The following SLC7A6 variants were observed in gnomAD, a reference collection of about 807,000 sequenced individuals.
SLC7A6 encodes solute carrier family 7 member 6, also known as Y+L amino acid transporter 2.
In SLC7A6, 29 loss-of-function variants were observed where a neutral mutation model predicts 46.6. That is an observed-to-expected ratio of 0.62 (90% CI 0.46 to 0.85). SLC7A6 has a LOEUF of 0.85. SLC7A6 is among the 40% of genes least tolerant of loss of function. SLC7A6 has a pLI of 0.00. For missense variants in SLC7A6, 527 were observed against 647.6 expected, an observed-to-expected ratio of 0.81 and a Z score of 2.02; for synonymous variants, 276 against 257.3, an observed-to-expected ratio of 1.07 and a Z score of -0.70.
intron 2 of SLC7A6, chr16:68,273,731 G>A (rs1418225822): frequency 1.3e-5 from 2 of 151,990 alleles, no homozygotes; most frequent in African/African-American, 4.8e-5. Flanking sequence ...AGCAACATGG[G>A]AGAGTGAGGT....
intron 2 of SLC7A6, among the ~76,000 whole-genome samples, chr16:68,273,240 T>C (rs2042651551): frequency 6.6e-6 from 1 of 152,092 alleles, no homozygotes; most frequent in Admixed American, 6.5e-5. Flanking sequence ...TGCTCTGAGC[T>C]CCATGAGGCC....
At chr16:68,293,155 C>T (rs1051266884) in intron 7 of SLC7A6, among the ~76,000 whole-genome samples, 3 of 152,178 alleles carry the variant, frequency 2.0e-5, no homozygotes, top group Non-Finnish European at 4.4e-5. Flanking sequence ...GGGGCTCACA[C>T]CTGTAATCCC....
intron 3 of SLC7A6, among the ~76,000 whole-genome samples, chr16:68,276,877 C>T (rs1461607749): frequency 6.6e-6 from 1 of 151,740 alleles, no homozygotes; most frequent in Non-Finnish European, 1.5e-5. Context: ...TGCCTGTGGT[C>T]CCAGCAATTC....
At chr16:68,283,976 A>G (rs1015687814) in intron 3 of SLC7A6, among the ~76,000 whole-genome samples, 4 of 152,190 alleles carry the variant, frequency 2.6e-5, no homozygotes, top group Non-Finnish European at 5.9e-5. Context: ...TCAGGAGAAC[A>G]GTCAAGGGAC....
At chr16:68,268,951 G>A (rs1596965256) in intron 2 of SLC7A6, among the ~76,000 whole-genome samples, 1 of 152,138 alleles carries the variant, frequency 6.6e-6, no homozygotes, top group Non-Finnish European at 1.5e-5. Context: ...AGGTTGCAGT[G>A]AGCCAAGATC....
At position 68,291,719 on chromosome 16, in the gene SLC7A6, G is replaced by A; in HGVS notation, c.1022+58G>A. 2.7e-6 allele frequency: 4 copies of A among 1,467,812 alleles called. No homozygotes were observed. The Admixed American group carries it at 6.8e-5, about 25-fold the overall frequency. The allele number at this position is 1,467,812 out of a possible 1,614,324, so 90.9% of individuals were successfully genotyped here. A position where few individuals can be genotyped will look rare whatever the true frequency, so the allele number is the denominator to read the frequency against. ...ACAATATTTCATTCTCTGGGGCTTAGGCATAAGAGTTCCTTTTTTCCCTCC... is the reference window on the plus strand; with the variant it reads ...ACAATATTTCATTCTCTGGGGCTTAAGCATAAGAGTTCCTTTTTTCCCTCC... On this transcript the variant is annotated intron_variant, in intron 7 of 10. Coordinates refer to ENST00000219343, the MANE Select transcript of SLC7A6 (RefSeq NM_003983.6).
In SLC7A6 at chr16:68,298,081, AC is replaced by A. The variant is rs1353550606; in HGVS notation, c.*754del. 1 of 152,666 alleles carries A rather than the reference AC, an allele frequency of 6.6e-6. No individual in the cohort carries two copies. Among genetic ancestry groups the A allele is most frequent in the Non-Finnish European group, 1.5e-5 (1 of 68,042 alleles). The allele number at this position is 152,666 out of a possible 1,614,324, so 9.5% of individuals were successfully genotyped here. A position where few individuals can be genotyped will look rare whatever the true frequency, so the allele number is the denominator to read the frequency against. On this transcript the variant is annotated 3_prime_UTR_variant, in exon 11 of 11. Coordinates refer to ENST00000219343, the MANE Select transcript of SLC7A6 (RefSeq NM_003983.6). ...TCACGTACCTGTTACACTTTAGCAT[AC>A]AGATAGATCATAGATCACGTTACAA...
At position 68,275,250 on chromosome 16, in the gene SLC7A6, G is replaced by C. The variant is rs764843522; in HGVS notation, c.523+1G>C. On this transcript the variant is annotated splice_donor_variant, in intron 3 of 10. Coordinates refer to ENST00000219343, the MANE Select transcript of SLC7A6 (RefSeq NM_003983.6). LOFTEE classifies it high-confidence loss of function. The stretch of plus-strand genomic sequence containing the variant: ...CGTCTCCTGGCTGCTGCTTGCATAT[G>C]TAAGTGGGGGCTGAGATTGGGAGGA... 3.1e-6 allele frequency: 5 copies of C among 1,609,958 alleles called. No homozygotes were observed. The South Asian group carries it at 4.4e-5, about 14-fold the overall frequency.
In SLC7A6 at chr16:68,298,122, T is replaced by G. The variant is rs1424646163; in HGVS notation, c.*794T>G. ...TCACGTTACAAGCACTTGGCTCAGG[T>G]CCAGCAAGGACAGATGAACAAATTC... is the stretch of plus-strand genomic sequence containing the variant. On this transcript the variant is annotated 3_prime_UTR_variant, in exon 11 of 11. Transcript: ENST00000219343. The G allele has an allele frequency of 6.5e-6, 1 of 152,674 alleles. No homozygotes were observed. The highest frequency in any genetic ancestry group is 1.5e-5 in the Non-Finnish European group (1 of 68,044). The allele number at this position is 152,674 out of a possible 1,614,324, so 9.5% of individuals were successfully genotyped here.
chr16:68,291,272 T>A lies in SLC7A6; in HGVS notation c.858T>A (p.Asn286Lys). The A allele has an allele frequency of 1.2e-6, 2 of 1,614,242 alleles. No individual in the cohort carries two copies. The highest frequency in any genetic ancestry group is 1.7e-6 in the Non-Finnish European group (2 of 1,180,046). Residue 286 changes from asparagine to lysine, a missense_variant, in exon 6 of 11, where the codon AAT becomes AAA. Coordinates refer to ENST00000219343, the MANE Select transcript of SLC7A6 (RefSeq NM_003983.6). ...PIVTLIYILT[N>K]VAYYTVLNIS... Reference sequence around the variant, plus strand: ...TGACGCTCATCTACATCCTGACCAATGTGGCCTATTACACAGTGCTGAACA... The same window carrying A: ...TGACGCTCATCTACATCCTGACCAAAGTGGCCTATTACACAGTGCTGAACA...
At chr16:68,284,724 C>T in intron 3 of SLC7A6, 1 of 746,502 alleles carries the variant, frequency 1.3e-6, no homozygotes, top group African/African-American at 1.9e-5. Flanking sequence ...GTTAGCACTG[C>T]CAGGATATTG....
At chr16:68,291,877 G>A (rs1469699859) in intron 7 of SLC7A6, 13 of 545,996 alleles carry the variant, frequency 2.4e-5, no homozygotes, top group Non-Finnish European at 4.2e-5. Context: ...CATCTGAGGT[G>A]AGGACAGATT....
At chr16:68,271,573 G>A (rs1199409356) in intron 2 of SLC7A6, among the ~76,000 whole-genome samples, 2 of 151,972 alleles carry the variant, frequency 1.3e-5, no homozygotes, top group Non-Finnish European at 2.9e-5. Context: ...CCAAAGTGCT[G>A]GGATCACAGG....
intron 3 of SLC7A6, among the ~76,000 whole-genome samples, chr16:68,278,922 G>T (rs1245548564): frequency 6.6e-6 from 1 of 151,448 alleles, no homozygotes; most frequent in East Asian, 1.9e-4. Context: ...CGGACAGGGC[G>T]GCTGCCGGGC....
At chr16:68,293,775 A>G (rs1401828538) in intron 7 of SLC7A6, among the ~76,000 whole-genome samples, 2 of 150,992 alleles carry the variant, frequency 1.3e-5, no homozygotes, top group African/African-American at 2.4e-5. Context: ...GCTTCTGGAA[A>G]CTCTTCTTTG....
chr16:68,301,026 C>T lies in SLC7A6; in HGVS notation c.*3698C>T, dbSNP rs995650177. The T allele has an allele frequency of 5.2e-6, 6 of 1,151,800 alleles. No homozygotes were observed. The highest frequency in any genetic ancestry group is 3.5e-4 in the Middle Eastern group (1 of 2,848). The allele number at this position is 1,151,800 out of a possible 1,614,324, so 71.3% of individuals were successfully genotyped here. ...GCTAAAGAAACCTTCCTTTTTTCAACGTTTTTTTTTCTTTCAAACTGTAGG... is the reference window on the plus strand; with the variant it reads ...GCTAAAGAAACCTTCCTTTTTTCAATGTTTTTTTTTCTTTCAAACTGTAGG... On this transcript the variant is annotated 3_prime_UTR_variant, in exon 11 of 11. Transcript: ENST00000219343.
chr16:68,288,374 T>C (rs2042980131), intron 4 of SLC7A6, among the ~76,000 whole-genome samples: 1 of 152,116 alleles, frequency 6.6e-6, no homozygotes, highest in East Asian at 1.9e-4. Context: ...CTCAGAAAAA[T>C]ATTAAAATAT....
rs138083849 is a variant in SLC7A6, at chr16:68,297,888, G to T, written c.*560G>T. ...AGCATGCGTGTCTCTTCATCTACAG[G>T]ATGCAATAGGCTGATTGTATTTAAA... On this transcript the variant is annotated 3_prime_UTR_variant, in exon 11 of 11. Coordinates refer to ENST00000219343, the MANE Select transcript of SLC7A6 (RefSeq NM_003983.6). The T allele has an allele frequency of 6.6e-6, 1 of 152,666 alleles. No homozygotes were observed. The highest frequency in any genetic ancestry group is 2.4e-5 in the African/African-American group (1 of 41,442). The allele number at this position is 152,666 out of a possible 1,614,324, so 9.5% of individuals were successfully genotyped here.
intron 3 of SLC7A6, among the ~76,000 whole-genome samples, chr16:68,278,899 G>A (rs2042773240): frequency 1.3e-5 from 2 of 151,930 alleles, no homozygotes; most frequent in South Asian, 2.1e-4. Context: ...GGGCAGAGGC[G>A]CCCCCCACCT....
Sources: allele counts gnomAD v4.1 joint callset (sites outside exome capture counted in the v4.1 genomes callset), GRCh38; gene constraint gnomAD v4.1.1; transcripts MANE v1.5; gene names NCBI Gene and HGNC (gene_info 2026-07-23, HGNC 2026-07-21).